The following MGAT4A variants were observed in gnomAD, a reference collection of about 807,000 sequenced individuals.
MGAT4A encodes N-acetylglucosaminyltransferase IVa.
MGAT4A carries 33 observed loss-of-function variants against 74.1 expected under a neutral mutation model. The ratio of observed to expected loss-of-function variants is 0.45; its 90% CI spans 0.34 to 0.60. The LOEUF (loss-of-function observed/expected upper bound fraction) is 0.60, where lower values mean the gene tolerates loss of function less well. Among genes scored for constraint, MGAT4A ranks in the 20% least tolerant of loss-of-function variants. The pLI is 0.02. For missense variants in MGAT4A, 479 were observed against 628.3 expected, an observed-to-expected ratio of 0.76 and a Z score of 2.54; for synonymous variants, 198 against 210.4, an observed-to-expected ratio of 0.94 and a Z score of 0.51.
intron 4 of MGAT4A, among the ~76,000 whole-genome samples, chr2:98,673,853 C>G (rs1474934666): frequency 1.3e-5 from 2 of 152,228 alleles, no homozygotes; most frequent in Non-Finnish European, 2.9e-5. Context: ...GAGATGATAT[C>G]AGCTTCAAAA....
rs1701131086 is a variant in MGAT4A, at chr2:98,625,507, T to C, written c.*59A>G. The C allele has an allele frequency of 3.8e-6, 6 of 1,597,794 alleles. No individual in the cohort carries two copies. Among genetic ancestry groups the C allele is most frequent in the Non-Finnish European group, 5.1e-6 (6 of 1,175,430 alleles). ...CAAGTAGAAATAAAAAAAAGATACA[T>C]GCTTAACTATCTTTAATTAACAAAT... On this transcript the variant is annotated 3_prime_UTR_variant, in exon 16 of 16. Coordinates refer to ENST00000393487, the MANE Select transcript of MGAT4A (RefSeq NM_012214.3).
At position 98,622,892 on chromosome 2, in the gene MGAT4A, A is replaced by T; in HGVS notation, c.*2674T>A. 1 of 985,828 alleles carries T rather than the reference A, an allele frequency of 1.0e-6. No homozygotes were observed. Among genetic ancestry groups the T allele is most frequent in the Non-Finnish European group, 1.2e-6 (1 of 830,264 alleles). The allele number at this position is 985,828 out of a possible 1,614,324, so 61.1% of individuals were successfully genotyped here. ...AAGGGGGCTGGACATGGTGGCACACACCTATAATCCCAGCACTTTGGGAGG... is the reference window on the plus strand; with the variant it reads ...AAGGGGGCTGGACATGGTGGCACACTCCTATAATCCCAGCACTTTGGGAGG... On this transcript the variant is annotated 3_prime_UTR_variant, in exon 16 of 16. Transcript: ENST00000393487.
intron 2 of MGAT4A, among the ~76,000 whole-genome samples, chr2:98,709,836 G>C (rs539548473): frequency 1.2e-3 from 178 of 152,078 alleles, no homozygotes; most frequent in Middle Eastern, 6.9e-3. Context: ...AAACTAGTTG[G>C]CAAACTCTTT....
intron 2 of MGAT4A, among the ~76,000 whole-genome samples, chr2:98,698,138 G>A (rs1057255118): frequency 1.3e-5 from 2 of 152,228 alleles, no homozygotes; most frequent in African/African-American, 4.8e-5. Context: ...GCTGGGTGTG[G>A]TGGCTCATGC....
chr2:98,721,837 C>T (rs1300077694), intron 2 of MGAT4A, among the ~76,000 whole-genome samples: 1 of 151,124 alleles, frequency 6.6e-6, no homozygotes, highest in Non-Finnish European at 1.5e-5. Context: ...AACACAGGAA[C>T]AAAAAAGACA....
chr2:98,656,433 TCCA>T lies in MGAT4A; in HGVS notation c.614_616del (p.Val205del). 1 of 1,612,090 alleles carries T rather than the reference TCCA, an allele frequency of 6.2e-7. No individual in the cohort carries two copies. Among genetic ancestry groups the T allele is most frequent in the Non-Finnish European group, 8.5e-7 (1 of 1,178,902 alleles). On this transcript the variant is annotated inframe_deletion, in exon 7 of 16. Coordinates refer to ENST00000393487, the MANE Select transcript of MGAT4A (RefSeq NM_012214.3). ...ATAGCTTTCAGGGGGTGATATGACT[TCCA>T]CCAAGCCAGAACTGATTTCTTTAGA...
chr2:98,696,353 A>G (rs892670296), intron 2 of MGAT4A, among the ~76,000 whole-genome samples: 1 of 152,224 alleles, frequency 6.6e-6, no homozygotes, highest in African/African-American at 2.4e-5. Context: ...AATGCCTCTT[A>G]TATCACATAT....
Position 98,622,473 on chromosome 2 carries a change from AT to A in MGAT4A, c.*3092del. On this transcript the variant is annotated 3_prime_UTR_variant, in exon 16 of 16. Coordinates refer to ENST00000393487, the MANE Select transcript of MGAT4A (RefSeq NM_012214.3). ...AGTCCCAACCTTTGACACTTTTTCC[AT>A]TTACTATTTTGGTAAAATGATTCGG... The A allele has an allele frequency of 2.0e-6, 2 of 985,406 alleles. No homozygotes were observed. Among genetic ancestry groups the A allele is most frequent in the South Asian group, 9.4e-5 (2 of 21,282 alleles). 61.0% of individuals were successfully genotyped at this position (985,406 alleles called of 1,614,324 possible). A position where few individuals can be genotyped will look rare whatever the true frequency, so the allele number is the denominator to read the frequency against.
chr2:98,716,775 A>G (rs1575282590), intron 2 of MGAT4A, among the ~76,000 whole-genome samples: 1 of 152,298 alleles, frequency 6.6e-6, no homozygotes, highest in East Asian at 1.9e-4. Flanking sequence ...TATATGACAC[A>G]GTATTTACAT....
intron 14 of MGAT4A, among the ~76,000 whole-genome samples, chr2:98,634,171 C>T (rs1701283723): frequency 6.6e-6 from 1 of 152,122 alleles, no homozygotes; most frequent in Non-Finnish European, 1.5e-5. Context: ...AACTACAGGA[C>T]ATACAGGAGA....
Position 98,621,582 on chromosome 2 carries a change from G to C in MGAT4A, c.*3984C>G. On this transcript the variant is annotated 3_prime_UTR_variant, in exon 16 of 16. Transcript: ENST00000393487. ...TTGCTACATAACATGATATAATCAT[G>C]GATCAAACAGGTTCCACCCATGCTC... The C allele has an allele frequency of 6.5e-7, 1 of 1,541,616 alleles. No individual in the cohort carries two copies. The highest frequency in any genetic ancestry group is 8.8e-7 in the Non-Finnish European group (1 of 1,141,322).
In MGAT4A at chr2:98,623,873, T is replaced by C; in HGVS notation, c.*1693A>G. 1 of 985,486 alleles carries C rather than the reference T, an allele frequency of 1.0e-6. No homozygotes were observed. The highest frequency in any genetic ancestry group is 1.2e-6 in the Non-Finnish European group (1 of 829,970). The allele number at this position is 985,486 out of a possible 1,614,324, so 61.0% of individuals were successfully genotyped here. A position where few individuals can be genotyped will look rare whatever the true frequency, so the allele number is the denominator to read the frequency against. Reference sequence around the variant, plus strand: ...GGCTAGAGGCAGCCAGCTGGAACCTTGCCCCAGCGCTAGGCCCCAGCCAGT... The same window carrying C: ...GGCTAGAGGCAGCCAGCTGGAACCTCGCCCCAGCGCTAGGCCCCAGCCAGT... On this transcript the variant is annotated 3_prime_UTR_variant, in exon 16 of 16. Coordinates refer to ENST00000393487, the MANE Select transcript of MGAT4A (RefSeq NM_012214.3).
intron 5 of MGAT4A, 85 bp from the exon 6 acceptor site, chr2:98,658,349 AT>A (rs1701691316): frequency 1.4e-6 from 1 of 736,200 alleles, no homozygotes; most frequent in Non-Finnish European, 2.2e-6. Flanking sequence ...TAAATGAATG[AT>A]AAAAACATTC....
intron 2 of MGAT4A, among the ~76,000 whole-genome samples, chr2:98,690,011 A>T (rs891499627): frequency 2.0e-5 from 3 of 152,140 alleles, no homozygotes; most frequent in African/African-American, 7.2e-5. Flanking sequence ...AGGAGCACAA[A>T]AAAAAAAGGA....
intron 8 of MGAT4A, among the ~76,000 whole-genome samples, chr2:98,652,354 AG>A (rs1701592336): frequency 6.9e-6 from 1 of 144,338 alleles, no homozygotes; most frequent in African/African-American, 2.6e-5. Flanking sequence ...TTTTTGAGAC[AG>A]AGTCTCACTG....
intron 4 of MGAT4A, chr2:98,663,391 A>G (rs1241887929): frequency 2.0e-6 from 3 of 1,519,288 alleles, no homozygotes; most frequent in Admixed American, 4.8e-5. Context: ...GAAAAAAAGA[A>G]CTGATAAAAA....
chr2:98,621,421 C>CT lies in MGAT4A; in HGVS notation c.*4144_*4145insA. On this transcript the variant is annotated 3_prime_UTR_variant, in exon 16 of 16. Transcript: ENST00000393487. The stretch of plus-strand genomic sequence containing the variant: ...CCATGTGCATTCCTTCTCATGCAGC[C>CT]CCCTCTACCTTAAAACAGCAATGGT... The CT allele has an allele frequency of 6.4e-7, 1 of 1,551,358 alleles. No homozygotes were observed. The highest frequency in any genetic ancestry group is 8.7e-7 in the Non-Finnish European group (1 of 1,146,804).
Position 98,643,930 on chromosome 2 carries a change from T to G in MGAT4A, c.1013A>C (p.Lys338Thr). 1 of 1,548,740 alleles carries G rather than the reference T, an allele frequency of 6.5e-7. No homozygotes were observed. Among genetic ancestry groups the G allele is most frequent in the Non-Finnish European group, 8.8e-7 (1 of 1,138,980 alleles). Residue 338 changes from lysine (K) to threonine (T), a missense_variant, in exon 10 of 16, where the codon AAA (lysine) becomes ACA (threonine). By Grantham distance (78) the Lys-to-Thr change is moderately conservative. This residue lies in a region of MGAT4A where 236 missense variants were observed against 308.2 expected (regional missense o/e 0.77). Transcript: ENST00000393487. ...ILWVKVCNPE[K>T]DAKHCDRQKA... ...GGTGAGGAATTAACTTACTGCATCT[T>G]TTTCAGGGTTGCAGACTTTCACCCA...
intron 2 of MGAT4A, among the ~76,000 whole-genome samples, chr2:98,705,830 C>T (rs1012489789): frequency 2.4e-4 from 37 of 151,774 alleles, no homozygotes; most frequent in African/African-American, 8.7e-4. Context: ...GTAGTCCCAG[C>T]TACTCGGGGG....
Sources: allele counts gnomAD v4.1 joint callset (sites outside exome capture counted in the v4.1 genomes callset), GRCh38; gene constraint gnomAD v4.1.1; regional missense constraint gnomAD v4.1.1; transcripts MANE v1.5; gene names NCBI Gene and HGNC (gene_info 2026-07-23, HGNC 2026-07-21).